ZFYVE28: variants seen among roughly 807,000 people sequenced by gnomAD.
ZFYVE28 encodes lateral signaling target protein 2 homolog.
In ZFYVE28, 40 loss-of-function variants were observed where a neutral mutation model predicts 82.1. The ratio of observed to expected loss-of-function variants is 0.49; its 90% CI spans 0.38 to 0.63. ZFYVE28 has a LOEUF of 0.63. Ranked by LOEUF, ZFYVE28 falls within the 30% of genes least tolerant of loss-of-function variation. ZFYVE28 has a pLI of 0.00. For missense variants in ZFYVE28, 1,321 were observed against 1,242.1 expected, an observed-to-expected ratio of 1.06 and a Z score of -0.96; for synonymous variants, 612 against 546.1, an observed-to-expected ratio of 1.12 and a Z score of -1.68.
chr4:2,358,981 T>C lies in ZFYVE28; in HGVS notation c.40-4908A>G, dbSNP rs1456745912. On this transcript the variant is annotated intron_variant, in intron 1 of 12. Coordinates refer to ENST00000290974, the MANE Select transcript of ZFYVE28 (RefSeq NM_020972.3). ...TATGGCCAGCCAATTTTTTCTTTTT[T>C]TTTTTTTTTTTGAGACAGAGTCTCG... Among the ~76,000 whole-genome samples, 6 of 149,202 alleles carry C rather than the reference T, an allele frequency of 4.0e-5. 1 individual carries two copies. The East Asian group carries it at 1.2e-3, about 29-fold the overall frequency.
At chr4:2,402,043 G>T (rs1731241453) in intron 1 of ZFYVE28, among the ~76,000 whole-genome samples, 2 of 152,216 alleles carry the variant, frequency 1.3e-5, no homozygotes, top group Admixed American at 1.3e-4. Flanking sequence ...GAGACACAGA[G>T]GAAGAAATCC....
Position 2,341,577 on chromosome 4 carries a change from C to T in ZFYVE28, c.219G>A (p.Glu73=). The T allele has an allele frequency of 6.2e-7, 1 of 1,614,028 alleles. No homozygotes were observed. The highest frequency in any genetic ancestry group is 8.5e-7 in the Non-Finnish European group (1 of 1,179,946). Residue 73 remains glutamate, a synonymous_variant, in exon 3 of 13, where the codon GAG becomes GAA. Coordinates refer to ENST00000290974, the MANE Select transcript of ZFYVE28 (RefSeq NM_020972.3). This position sits in a 1 kb window ranked among gnomAD's most constrained non-coding sequence, Gnocchi z 4.5. ...VLNIINQIMD[E]CIPQDRAPRD... ...TGGGGGCGCGGTCCTGGGGGATGCA[C>T]TCATCCATGATCTGGTTAATGATGT... is the stretch of plus-strand genomic sequence containing the variant.
Position 2,305,388 on chromosome 4 carries a change from C to T in ZFYVE28, c.952G>A (p.Gly318Arg). 1 of 1,612,754 alleles carries T rather than the reference C, an allele frequency of 6.2e-7. No homozygotes were observed. The highest frequency in any genetic ancestry group is 8.5e-7 in the Non-Finnish European group (1 of 1,179,828). The part of the protein sequence containing the change: ...PALSAPLPPE[G>R]PLSAKAKDPD... Reference sequence around the variant, plus strand: ...TCTTTGGCCTTAGCTGAGAGTGGCCCCTCAGGGGGGAGAGGGGCAGAGAGG... The same window carrying T: ...TCTTTGGCCTTAGCTGAGAGTGGCCTCTCAGGGGGGAGAGGGGCAGAGAGG... The change falls in exon 8 of 13, where the codon GGG becomes AGG. Residue 318 changes from glycine (G) to arginine (R), a missense_variant. By Grantham distance (125) the Gly-to-Arg change is moderately radical. Coordinates refer to ENST00000290974, the MANE Select transcript of ZFYVE28 (RefSeq NM_020972.3).
At position 2,314,287 on chromosome 4, in the gene ZFYVE28, G is replaced by A. The variant is rs78813781; in HGVS notation, c.803+5883C>T. On this transcript the variant is annotated intron_variant, in intron 7 of 12. Coordinates refer to ENST00000290974, the MANE Select transcript of ZFYVE28 (RefSeq NM_020972.3). ...CTCTCAACCTTGTTCACGTACTTGT[G>A]TCAGGACTGGGTCTCTCGTCAGCCA... Among the ~76,000 whole-genome samples the A allele has an allele frequency of 5.8e-3, 890 of 152,316 alleles. 11 individuals carry two copies. Among genetic ancestry groups the A allele is most frequent in the African/African-American group, 0.021 (854 of 41,558 alleles).
intron 8 of ZFYVE28, among the ~76,000 whole-genome samples, chr4:2,298,712 G>A (rs1222453256): frequency 1.3e-5 from 2 of 152,232 alleles, no homozygotes; most frequent in Non-Finnish European, 2.9e-5. Flanking sequence ...ACTGCACGAC[G>A]GAGCAGGCCT....
intron 2 of ZFYVE28, chr4:2,342,861 G>A (rs1723017656): frequency 6.6e-6 from 1 of 152,182 alleles, no homozygotes; most frequent in South Asian, 2.1e-4. Flanking sequence ...AGAGAAGTGG[G>A]GAAAATGTCC....
At chr4:2,311,826 G>A (rs1717507895) in intron 7 of ZFYVE28, among the ~76,000 whole-genome samples, 1 of 151,992 alleles carries the variant, frequency 6.6e-6, no homozygotes, top group Non-Finnish European at 1.5e-5. Flanking sequence ...GCTCAGACTG[G>A]AATACAGTGA....
intron 8 of ZFYVE28, among the ~76,000 whole-genome samples, chr4:2,287,931 TCTC>T (rs1713012741): frequency 6.6e-6 from 1 of 152,156 alleles, no homozygotes; most frequent in Non-Finnish European, 1.5e-5. Flanking sequence ...TATTTTCCCA[TCTC>T]CTCTAATTTA....
chr4:2,355,583 A>G (rs1725195545), intron 1 of ZFYVE28, among the ~76,000 whole-genome samples: 2 of 142,710 alleles, frequency 1.4e-5, no homozygotes, highest in Non-Finnish European at 3.1e-5. Flanking sequence ...CCCAGCCTAT[A>G]TACGTATTTT....
At chr4:2,311,917 T>C (rs958726072) in intron 7 of ZFYVE28, among the ~76,000 whole-genome samples, 7 of 151,896 alleles carry the variant, frequency 4.6e-5, no homozygotes, top group African/African-American at 1.7e-4. Context: ...GCTGGGACTA[T>C]AGGCGTGTGC....
chr4:2,369,664 G>A (rs3135136), intron 1 of ZFYVE28, among the ~76,000 whole-genome samples: 1 of 151,376 alleles, frequency 6.6e-6, no homozygotes, highest in South Asian at 2.1e-4. Context: ...GCCATGTGAA[G>A]ATGGGGCGGA....
At chr4:2,357,649 C>G (rs539669660) in intron 1 of ZFYVE28, among the ~76,000 whole-genome samples, 2 of 152,298 alleles carry the variant, frequency 1.3e-5, no homozygotes, top group African/African-American at 4.8e-5. Context: ...TGAGGTGGCC[C>G]GGAGCCCTCA....
chr4:2,383,079 G>A (rs982423416), intron 1 of ZFYVE28, among the ~76,000 whole-genome samples: 4 of 152,080 alleles, frequency 2.6e-5, no homozygotes, highest in East Asian at 1.9e-4. Flanking sequence ...CGACTTTGGC[G>A]GGGAAACAGC....
At chr4:2,312,949 G>A (rs1295090243) in intron 7 of ZFYVE28, among the ~76,000 whole-genome samples, 1 of 151,976 alleles carries the variant, frequency 6.6e-6, no homozygotes, top group Non-Finnish European at 1.5e-5. Flanking sequence ...GGAGGCTGAG[G>A]CACGAGAATC....
chr4:2,321,518 G>A (rs1238983841), intron 6 of ZFYVE28, among the ~76,000 whole-genome samples: 1 of 152,068 alleles, frequency 6.6e-6, no homozygotes, highest in Non-Finnish European at 1.5e-5. Context: ...GTGGGTGAGG[G>A]GACAGCACAA....
intron 1 of ZFYVE28, among the ~76,000 whole-genome samples, chr4:2,386,128 G>A (rs1359797126): frequency 6.6e-6 from 1 of 152,150 alleles, no homozygotes; most frequent in Admixed American, 6.5e-5. Flanking sequence ...CTCAGACAGG[G>A]CTATGGTTTG....
chr4:2,326,876 T>C (rs1260085779), intron 6 of ZFYVE28, among the ~76,000 whole-genome samples: 1 of 152,202 alleles, frequency 6.6e-6, no homozygotes, highest in African/African-American at 2.4e-5. Flanking sequence ...TGTGTCTTGA[T>C]TTTGTGTCCT....
chr4:2,304,548 C>T lies in ZFYVE28; in HGVS notation c.1792G>A (p.Gly598Ser), dbSNP rs149217247. 1.1e-5 allele frequency: 18 copies of T among 1,612,696 alleles called. No homozygotes were observed. The highest frequency in any genetic ancestry group is 1.6e-4 in the Middle Eastern group (1 of 6,062). ...GCCCTGTCGCTGGCCTTGGCTAAGC[C>T]GGCAGCGTACGAGGCACCAATGACG... ...GGVIGASYAA[G>S]LAKASDRAPE... Residue 598 changes from glycine (G) to serine (S), a missense_variant, in exon 8 of 13, where the codon GGC becomes AGC. Transcript: ENST00000290974.
At chr4:2,359,798 G>A (rs1202552387) in intron 1 of ZFYVE28, among the ~76,000 whole-genome samples, 1 of 152,206 alleles carries the variant, frequency 6.6e-6, no homozygotes, top group Non-Finnish European at 1.5e-5. Context: ...TGCCATGCAG[G>A]AGGGCCTGGG....
Sources: gnomAD v4.1 joint callset for allele counts (sites outside exome capture counted in the v4.1 genomes callset) on GRCh38, gnomAD v4.1.1 for gene constraint, Gnocchi (gnomAD v3.1) non-coding constraint, MANE v1.5 for transcripts, NCBI Gene and HGNC (gene_info 2026-07-23, HGNC 2026-07-21) for gene names.